NLRP7: variants seen among roughly 807,000 people sequenced by gnomAD.
NLRP7 encodes the protein NLR family pyrin domain containing 7, also known as NACHT, LRR and PYD domains-containing protein 7.
Under a neutral mutation model 85.5 loss-of-function variants are expected in NLRP7, and 72 were observed. That is an observed-to-expected ratio of 0.84 (90% CI 0.70 to 1.02). NLRP7 has a LOEUF of 1.02. Among genes scored for constraint, NLRP7 ranks in the 50% least tolerant of loss-of-function variants. NLRP7 has a pLI of 0.00. For missense variants in NLRP7, 1,243 were observed against 1,219.5 expected (o/e 1.02, Z -0.29); for synonymous variants, 550 against 505.2 (o/e 1.09, Z -1.19).
intron 1 of NLRP7, among the ~76,000 whole-genome samples, chr19:54,943,202 T>C (rs1403050899): frequency 6.6e-6 from 1 of 151,384 alleles, no homozygotes; most frequent in African/African-American, 2.4e-5. Context: ...CCCAGATACT[T>C]GGGAGGCTGA....
chr19:54,960,563 G>A (rs2070006942), intron 1 of NLRP7, among the ~76,000 whole-genome samples: 1 of 73,608 alleles, frequency 1.4e-5, no homozygotes, highest in Non-Finnish European at 2.9e-5. Context: ...ACAAAAGTTA[G>A]AAGAATTGTA....
At chr19:54,939,469 G>C (rs752963683) in exon 4 of NLRP7, 1 of 1,613,900 alleles carries the variant, frequency 6.2e-7, no homozygotes, top group South Asian at 1.1e-5. Flanking sequence ...GGATGTCTCC[G>C]TCCAGGAACA....
upstream of NLRP7, chr19:54,947,583 G>T: frequency 3.1e-6 from 4 of 1,289,658 alleles, no homozygotes; most frequent in Non-Finnish European, 4.0e-6. Flanking sequence ...CCCGCCCAGG[G>T]TGGAACCGCC....
rs34438464 is a variant in NLRP7, at chr19:54,923,899, TC to T, written c.2811-28del. 146,281 of 1,611,612 alleles carry T rather than the reference TC, an allele frequency of 0.091. 9,093 individuals are homozygous for T. Among genetic ancestry groups the T allele is most frequent in the East Asian group, 0.3 (13,573 of 44,830 alleles). ...TGGAGGGATCAGAGAACACAAATGT[TC>T]CCAGAAATTCATTCTCAACTACCCA... On this transcript the variant is annotated intron_variant, in intron 9 of 9. Coordinates refer to ENST00000340844, the Ensembl canonical transcript of NLRP7.
At chr19:54,961,505 A>C (rs112523347) in intron 1 of NLRP7, among the ~76,000 whole-genome samples, 1 of 150,930 alleles carries the variant, frequency 6.6e-6, no homozygotes, top group Admixed American at 6.6e-5. Context: ...TCTCTAAATA[A>C]ATAAATAAAT....
chr19:54,947,454 A>G lies in NLRP7; in HGVS notation c.-40+15T>C. On this transcript the variant is annotated intron_variant, in intron 1 of 9. Transcript: ENST00000340844. Reference sequence around the variant, plus strand: ...ACGAGAAGACAAAGAAATCGATGCAAGAACCAGCACTCACCTCCCTCAGGT... The same window carrying G: ...ACGAGAAGACAAAGAAATCGATGCAGGAACCAGCACTCACCTCCCTCAGGT... The G allele has an allele frequency of 7.8e-7, 1 of 1,289,322 alleles. No individual in the cohort carries two copies. The highest frequency in any genetic ancestry group is 1.2e-5 in the South Asian group (1 of 81,024). The allele number at this position is 1,289,322 out of a possible 1,614,324, so 79.9% of individuals were successfully genotyped here.
At position 54,934,310 on chromosome 19, in the gene NLRP7, C is replaced by T. The variant is rs1250590000; in HGVS notation, c.2471+179G>A. 6.6e-6 allele frequency among the ~76,000 whole-genome samples: 1 copy of T among 152,148 alleles called. No individual in the cohort carries two copies. The highest frequency in any genetic ancestry group is 1.5e-5 in the Non-Finnish European group (1 of 68,030). On this transcript the variant is annotated intron_variant, in intron 7 of 9. Transcript: ENST00000340844. This position sits in a 1 kb window ranked among gnomAD's most constrained non-coding sequence, Gnocchi z 6.7. The stretch of plus-strand genomic sequence containing the variant: ...CAGGTTGGTCTCGAACTCCTGAACT[C>T]AGATGATCCGCCCACCTCTCTGCTG...
At chr19:54,924,442 G>C (rs554720259) in intron 9 of NLRP7, among the ~76,000 whole-genome samples, 1 of 152,218 alleles carries the variant, frequency 6.6e-6, no homozygotes, top group East Asian at 1.9e-4. Flanking sequence ...GGGCAACACG[G>C]TGAAACCCTG....
intron 1 of NLRP7, among the ~76,000 whole-genome samples, chr19:54,947,189 G>A (rs568766971): frequency 2.0e-5 from 3 of 152,174 alleles, no homozygotes; most frequent in South Asian, 2.1e-4. Context: ...GCTGGGCATG[G>A]TGGCACGTGC....
At chr19:54,964,493 G>C (rs1466915845) in intron 1 of NLRP7, among the ~76,000 whole-genome samples, 1 of 151,706 alleles carries the variant, frequency 6.6e-6, no homozygotes. Context: ...TGGGATTACA[G>C]GCGTGAGCCA....
At chr19:54,948,245 T>C (rs1283799941), upstream of NLRP7, among the ~76,000 whole-genome samples, 2 of 151,810 alleles carry the variant, frequency 1.3e-5, no homozygotes, top group Non-Finnish European at 2.9e-5. Context: ...ATTAGCCAGG[T>C]GTGGTGGCAG....
chr19:54,934,352 C>T lies in NLRP7; in HGVS notation c.2471+137G>A. 1.1e-6 allele frequency: 1 copy of T among 871,232 alleles called. No individual in the cohort carries two copies. The highest frequency in any genetic ancestry group is 2.0e-6 in the Non-Finnish European group (1 of 509,188). 54.0% of individuals were successfully genotyped at this position (871,232 alleles called of 1,614,324 possible). A position where few individuals can be genotyped will look rare whatever the true frequency, so the allele number is the denominator to read the frequency against. On this transcript the variant is annotated intron_variant, in intron 7 of 9. Coordinates refer to ENST00000340844, the Ensembl canonical transcript of NLRP7. The surrounding 1 kb of genome is among the most constrained non-coding windows in gnomAD (Gnocchi z 6.7). ...TCTCTGCTGAGATTACAGGCAGGAG[C>T]CACCGTGCCGGGCCTGAAGCAGGTG...
intron 8 of NLRP7, among the ~76,000 whole-genome samples, chr19:54,933,134 G>A (rs930395350): frequency 4.6e-5 from 7 of 151,052 alleles, no homozygotes; most frequent in Non-Finnish European, 8.8e-5. Context: ...ACCTGTATCT[G>A]CCTGGTTTTT....
chr19:54,944,258 C>T (rs2069368928), intron 1 of NLRP7, among the ~76,000 whole-genome samples: 1 of 150,256 alleles, frequency 6.7e-6, no homozygotes, highest in African/African-American at 2.5e-5. Context: ...GGTGTAAAAC[C>T]CGATGGTATG....
intron 9 of NLRP7, among the ~76,000 whole-genome samples, chr19:54,925,585 C>A (rs948137392): frequency 2.0e-5 from 3 of 152,082 alleles, no homozygotes; most frequent in African/African-American, 7.2e-5. Context: ...ACAGGAGGAT[C>A]GTTTGAAGCC....
At chr19:54,941,504 C>G (rs2069223712) in exon 2 of NLRP7, 1 of 1,613,820 alleles carries the variant, frequency 6.2e-7, no homozygotes, top group Non-Finnish European at 8.5e-7. Context: ...TTCACAGTCG[C>G]ATTCCTTATC....
upstream of NLRP7, among the ~76,000 whole-genome samples, chr19:54,949,461 AAAAG>A (rs58250458): frequency 7.4e-3 from 1,126 of 152,190 alleles, 6 homozygotes; most frequent in African/African-American, 0.025. Context: ...CTAGCTGACA[AAAAG>A]AGAGAGAGAG....
At position 54,941,016 on chromosome 19, in the gene NLRP7, CT is replaced by C; in HGVS notation, c.278-12del. 1 of 1,577,644 alleles carries C rather than the reference CT, an allele frequency of 6.3e-7. No homozygotes were observed. Among genetic ancestry groups the C allele is most frequent in the Non-Finnish European group, 8.7e-7 (1 of 1,146,966 alleles). On this transcript the variant is annotated splice_polypyrimidine_tract_variant and intron_variant, in intron 2 of 9. Coordinates refer to ENST00000340844, the Ensembl canonical transcript of NLRP7. ...GCACCTGTCCGTCCTCTGTAAAATA[CT>C]TAGATGTAAGCCTGACACAGTAATT... is the stretch of plus-strand genomic sequence containing the variant.
In NLRP7 at chr19:54,936,249, C is replaced by A. The variant is rs77128509; in HGVS notation, c.2300+12G>T. On this transcript the variant is annotated intron_variant, in intron 6 of 9. Coordinates refer to ENST00000340844, the Ensembl canonical transcript of NLRP7. ...TCCAGGTGCTGGGGAGAGCCGTGAC[C>A]GTGAGACCCACCTCAGGTACTGCAG... 3 of 1,611,612 alleles carry A rather than the reference C, an allele frequency of 1.9e-6. No individual in the cohort carries two copies. The highest frequency in any genetic ancestry group is 2.1e-4 in the Middle Eastern group (1 of 4,870).
Sources: gnomAD v4.1 joint callset for allele counts (sites outside exome capture counted in the v4.1 genomes callset) on GRCh38, gnomAD v4.1.1 for gene constraint, Gnocchi (gnomAD v3.1) non-coding constraint, MANE v1.5 for transcripts, NCBI Gene and HGNC (gene_info 2026-07-23, HGNC 2026-07-21) for gene names.